The following CDH13 variants were observed in gnomAD, a reference collection of about 807,000 sequenced individuals.
CDH13 encodes the protein cadherin 13.
In CDH13, 24 loss-of-function variants were observed where a neutral mutation model predicts 63.8. That is an observed-to-expected ratio of 0.38 (90% CI 0.27 to 0.53). The LOEUF (loss-of-function observed/expected upper bound fraction) is 0.53, where lower values mean the gene tolerates loss of function less well. CDH13 is among the 20% of genes least tolerant of loss of function. CDH13 has a pLI of 0.85. For missense variants in CDH13, 1,049 were observed against 903.1 expected, an observed-to-expected ratio of 1.16 and a Z score of -2.07; for synonymous variants, 503 against 355.3, an observed-to-expected ratio of 1.42 and a Z score of -4.67.
At chr16:82,810,187 T>G (rs550698656) in intron 1 of CDH13, among the ~76,000 whole-genome samples, 1 of 152,312 alleles carries the variant, frequency 6.6e-6, no homozygotes, top group South Asian at 2.1e-4. Flanking sequence ...AGACAACATT[T>G]TGAATCTGTA....
intron 1 of CDH13, among the ~76,000 whole-genome samples, chr16:82,799,923 C>T (rs1413166764): frequency 6.6e-6 from 1 of 152,132 alleles, no homozygotes; most frequent in Non-Finnish European, 1.5e-5. Context: ...GTATTGACTC[C>T]TAGGTAGGAA....
At chr16:83,465,907 C>A (rs1391513253) in intron 6 of CDH13, among the ~76,000 whole-genome samples, 1 of 152,208 alleles carries the variant, frequency 6.6e-6, no homozygotes, top group African/African-American at 2.4e-5. Context: ...GTTCTCTTTA[C>A]CCTGCTGGAA....
intron 8 of CDH13, among the ~76,000 whole-genome samples, chr16:83,655,667 A>T (rs1912803922): frequency 6.6e-6 from 1 of 152,230 alleles, no homozygotes; most frequent in Non-Finnish European, 1.5e-5. Context: ...AGGGCTGCGA[A>T]GACAGAGGAA....
rs1915258101 is a variant in CDH13 at position 83,679,793 on chromosome 16, C to T, written c.1538+1332C>T. 2.0e-5 allele frequency among the ~76,000 whole-genome samples: 3 copies of T among 152,260 alleles called. No individual in the cohort carries two copies. The South Asian group carries it at 6.2e-4, about 32-fold the overall frequency. The stretch of plus-strand genomic sequence containing the variant: ...GCTTAAGTGTCATCTTGTATTTCTA[C>T]AATTGGAGGTGAAAGCAGGGACCCT... On this transcript the variant is annotated intron_variant, in intron 10 of 13. Coordinates refer to ENST00000567109, the MANE Select transcript of CDH13 (RefSeq NM_001257.5).
At chr16:83,145,443 C>T (rs1204436831) in intron 4 of CDH13, among the ~76,000 whole-genome samples, 1 of 152,172 alleles carries the variant, frequency 6.6e-6, no homozygotes, top group Non-Finnish European at 1.5e-5. Context: ...CAGAAGTGTT[C>T]TTGGCATGTC....
intron 2 of CDH13, among the ~76,000 whole-genome samples, chr16:82,957,317 GT>G (rs1906269079): frequency 6.6e-6 from 1 of 152,204 alleles, no homozygotes; most frequent in African/African-American, 2.4e-5. Context: ...ATTATTTTAT[GT>G]AAAACTAATC....
intron 12 of CDH13, among the ~76,000 whole-genome samples, chr16:83,782,651 A>G (rs153651): frequency 0.81 from 122,681 of 151,094 alleles, 49,843 homozygotes; most frequent in Admixed American, 0.84. Flanking sequence ...CAGGAGAATC[A>G]TTTGAACCCA....
intron 1 of CDH13, among the ~76,000 whole-genome samples, chr16:82,726,537 T>A (rs1241595533): frequency 6.6e-6 from 1 of 152,226 alleles, no homozygotes; most frequent in East Asian, 1.9e-4. Flanking sequence ...TGGTGGGCTG[T>A]TGTTTGCTGA....
chr16:83,449,596 C>CA (rs1442972207), intron 6 of CDH13, among the ~76,000 whole-genome samples: 1 of 152,184 alleles, frequency 6.6e-6, no homozygotes, highest in Non-Finnish European at 1.5e-5. Context: ...CTTTCAGAGT[C>CA]ATTTATGGTT....
chr16:82,984,087 C>A (rs1275346596), intron 2 of CDH13, among the ~76,000 whole-genome samples: 3 of 152,180 alleles, frequency 2.0e-5, no homozygotes, highest in African/African-American at 7.2e-5. Context: ...CTAAACCTGG[C>A]AGGTCACTTG....
chr16:83,463,774 C>A (rs942828410), intron 6 of CDH13, among the ~76,000 whole-genome samples: 2 of 152,140 alleles, frequency 1.3e-5, no homozygotes, highest in African/African-American at 4.8e-5. Flanking sequence ...CTCTGCATTC[C>A]GGCCTAGGTA....
At chr16:83,531,657 G>A (rs973839270) in intron 7 of CDH13, among the ~76,000 whole-genome samples, 1 of 152,220 alleles carries the variant, frequency 6.6e-6, no homozygotes, top group Admixed American at 6.5e-5. Flanking sequence ...GGTATTGACT[G>A]AAGAAGAGGG....
chr16:83,616,056 G>A (rs1436028004), intron 8 of CDH13, among the ~76,000 whole-genome samples: 2 of 152,062 alleles, frequency 1.3e-5, no homozygotes, highest in African/African-American at 4.8e-5. Flanking sequence ...GAAGGGAAAC[G>A]TTTGTACAAA....
intron 1 of CDH13, among the ~76,000 whole-genome samples, chr16:82,706,841 T>A (rs542793285): frequency 1.3e-5 from 2 of 152,234 alleles, no homozygotes; most frequent in South Asian, 4.2e-4. Flanking sequence ...ATAGAGGTCA[T>A]TTTTAATGTG....
intron 6 of CDH13, among the ~76,000 whole-genome samples, chr16:83,452,459 T>A (rs2072910432): frequency 6.6e-6 from 1 of 152,108 alleles, no homozygotes; most frequent in Non-Finnish European, 1.5e-5. Context: ...TTGTAATAAG[T>A]TTCTTGTTTT....
chr16:83,314,570 G>C (rs531413894), intron 5 of CDH13, among the ~76,000 whole-genome samples: 1 of 151,872 alleles, frequency 6.6e-6, no homozygotes, highest in Non-Finnish European at 1.5e-5. Flanking sequence ...AAAAAAATAC[G>C]GTATTTTTTT....
intron 2 of CDH13, among the ~76,000 whole-genome samples, chr16:82,974,508 C>T (rs764764932): frequency 1.3e-5 from 2 of 152,018 alleles, no homozygotes; most frequent in African/African-American, 2.4e-5. Context: ...GAATAATGAC[C>T]CCAATGATAT....
At position 83,363,791 on chromosome 16, in the gene CDH13, G is replaced by C. The variant is rs114689363; in HGVS notation, c.781+18785G>C. On this transcript the variant is annotated intron_variant, in intron 6 of 13. Coordinates refer to ENST00000567109, the MANE Select transcript of CDH13 (RefSeq NM_001257.5). ...GAGCTGCTAGGTATCATGGGATGCT[G>C]AGTGGGCGTGCTCCTCCTCCATAGA... 2.5e-3 allele frequency among the ~76,000 whole-genome samples: 381 copies of C among 152,270 alleles called. 1 individual carries two copies. The highest frequency in any genetic ancestry group is 8.6e-3 in the African/African-American group (356 of 41,554).
intron 1 of CDH13, among the ~76,000 whole-genome samples, chr16:82,787,841 A>AGTGTGTGTGTGTGTGTGTGTGAGT (rs10528183): frequency 1.4e-5 from 2 of 146,654 alleles, no homozygotes; most frequent in African/African-American, 5.1e-5. Context: ...GAAGGGAGGA[A>AGTGTGTGTGTGTGTGTGTGTGAGT]GTGTGTGTGT....
Sources: allele counts gnomAD v4.1 joint callset (sites outside exome capture counted in the v4.1 genomes callset), GRCh38; gene constraint gnomAD v4.1.1; transcripts MANE v1.5; gene names NCBI Gene and HGNC (gene_info 2026-07-23, HGNC 2026-07-21).